Variants in MCMBP observed in about 807,000 individuals in gnomAD.
MCMBP encodes minichromosome maintenance complex binding protein.
MCMBP carries 31 observed loss-of-function variants against 81.3 expected under a neutral mutation model. That is an observed-to-expected ratio of 0.38 (90% CI 0.29 to 0.51). MCMBP has a LOEUF of 0.51. Ranked by LOEUF, MCMBP falls within the 20% of genes least tolerant of loss-of-function variation. The pLI is 0.87. For synonymous variants in MCMBP, 267 were observed against 275.9 expected (o/e 0.97, Z 0.32); for missense variants, 645 against 772.1 (o/e 0.84, Z 1.95).
chr10:119,858,911 T>C lies in MCMBP; in HGVS notation c.300A>G (p.Gly100=). The change falls in exon 4 of 16, where the codon GGA becomes GGG. Residue 100 remains glycine (G), a synonymous_variant. Transcript: ENST00000369077. ...QNTKAHVLHF[G]KYRDVAECGP... is the part of the protein sequence containing the mutation. Reference sequence around the variant, plus strand: ...CACACTCTGCTACATCTCTATATTTTCCAAAATGAAGAACCTATGACCCCA... The same window carrying C: ...CACACTCTGCTACATCTCTATATTTCCCAAAATGAAGAACCTATGACCCCA... The C allele has an allele frequency of 6.2e-7, 1 of 1,611,846 alleles. No homozygotes were observed. The highest frequency in any genetic ancestry group is 8.5e-7 in the Non-Finnish European group (1 of 1,178,562).
chr10:119,870,372 A>C (rs912666208), intron 1 of MCMBP, among the ~76,000 whole-genome samples: 3 of 151,956 alleles, frequency 2.0e-5, no homozygotes, highest in Admixed American at 1.3e-4. Context: ...GCTTCAACCC[A>C]GGAGGCGGAG....
intron 15 of MCMBP, 36 bp downstream of exon 15, chr10:119,831,976 T>G: frequency 6.4e-7 from 1 of 1,570,960 alleles, no homozygotes; most frequent in Non-Finnish European, 8.7e-7. Context: ...ATACACAAGC[T>G]TACCGAAACA....
In MCMBP at chr10:119,858,919, G is replaced by C; in HGVS notation, c.292C>G (p.His98Asp). The change falls in exon 4 of 16, where the codon CAT becomes GAT. Residue 98 changes from histidine (H) to aspartate (D), a missense_variant. Transcript: ENST00000369077. ...GCTACATCTCTATATTTTCCAAAAT[G>C]AAGAACCTATGACCCCAAACATAGA... is the stretch of plus-strand genomic sequence containing the variant. Reference protein sequence around the residue: ...VNQNTKAHVLHFGKYRDVAEC... With the variant: ...VNQNTKAHVLDFGKYRDVAEC... The C allele has an allele frequency of 6.2e-7, 1 of 1,611,984 alleles. No individual in the cohort carries two copies. The highest frequency in any genetic ancestry group is 8.5e-7 in the Non-Finnish European group (1 of 1,178,698).
intron 2 of MCMBP, 75 bp from the exon 3 acceptor site, chr10:119,859,256 A>C: frequency 7.4e-7 from 1 of 1,356,634 alleles, no homozygotes; most frequent in East Asian, 2.3e-5. Flanking sequence ...CACAAACTTT[A>C]TATCCAGACT....
chr10:119,831,226 A>ACTT lies in MCMBP; in HGVS notation c.*245_*247dup, dbSNP rs1315600862. The stretch of plus-strand genomic sequence containing the variant: ...CAATATTAAACTTTTAATATCAAAT[A>ACTT]CTTTTTTTACATCATTACTAATTTA... On this transcript the variant is annotated 3_prime_UTR_variant, in exon 16 of 16. Coordinates refer to ENST00000369077, the MANE Select transcript of MCMBP (RefSeq NM_001256378.2). 4.1e-6 allele frequency: 1 copy of ACTT among 244,400 alleles called. No homozygotes were observed. Among genetic ancestry groups the ACTT allele is most frequent in the African/African-American group, 2.3e-5 (1 of 43,810 alleles). The allele number at this position is 244,400 out of a possible 1,614,324, so 15.1% of individuals were successfully genotyped here.
intron 5 of MCMBP, among the ~76,000 whole-genome samples, chr10:119,855,472 C>T (rs1314898595): frequency 6.6e-6 from 1 of 152,156 alleles, no homozygotes; most frequent in Non-Finnish European, 1.5e-5. Flanking sequence ...GAGTTCAAGA[C>T]CAGCCTGGCC....
intron 13 of MCMBP, 114 bp downstream of exon 13, chr10:119,836,782 T>TAAAAAAAA: frequency 6.0e-6 from 1 of 165,936 alleles, no homozygotes; most frequent in Non-Finnish European, 1.0e-5. Flanking sequence ...TTTTTTTTTT[T>TAAAAAAAA]TTTTTTTTTT....
chr10:119,854,043 T>C (rs1486810473), intron 5 of MCMBP, among the ~76,000 whole-genome samples: 1 of 148,420 alleles, frequency 6.7e-6, no homozygotes, highest in Non-Finnish European at 1.5e-5. Context: ...TTTTTTCCTT[T>C]TCTTTTTTTT....
chr10:119,831,922 T>C lies in MCMBP; in HGVS notation c.1796+90A>G, dbSNP rs914852776. On this transcript the variant is annotated intron_variant, in intron 15 of 15. Coordinates refer to ENST00000369077, the MANE Select transcript of MCMBP (RefSeq NM_001256378.2). Reference sequence around the variant, plus strand: ...TTAAAAGGAAAAGTTCATTTCCGTTTTTAGAATTCTGCCTCAGTTACTGCT... The same window carrying C: ...TTAAAAGGAAAAGTTCATTTCCGTTCTTAGAATTCTGCCTCAGTTACTGCT... The C allele has an allele frequency of 2.7e-5, 35 of 1,302,518 alleles. No individual in the cohort carries two copies. In the African/African-American group the frequency reaches 4.8e-4, roughly 18 times the overall value. The allele number at this position is 1,302,518 out of a possible 1,614,324, so 80.7% of individuals were successfully genotyped here.
At chr10:119,857,707 T>TG in intron 4 of MCMBP, 1 of 256,208 alleles carries the variant, frequency 3.9e-6, no homozygotes. Context: ...CTCTGCTTTG[T>TG]GGATCTAGAA....
chr10:119,840,872 A>G lies in MCMBP; in HGVS notation c.1213T>C (p.Tyr405His). The stretch of plus-strand genomic sequence containing the variant: ...GGAACAAGATGTTGAATAATTCGAT[A>G]CAAGTGTTCTGTGAAGGTACTATTC... ...PRNSTFTEHLYRIIQHLVPAS... is the reference protein window; with the variant it reads ...PRNSTFTEHLHRIIQHLVPAS... The change falls in exon 11 of 16, where the codon TAT becomes CAT. Residue 405 changes from tyrosine to histidine, a missense_variant. By Grantham distance (83) the Tyr-to-His change is moderately conservative. Transcript: ENST00000369077. The G allele has an allele frequency of 6.2e-7, 1 of 1,604,882 alleles. No individual in the cohort carries two copies. The highest frequency in any genetic ancestry group is 1.1e-5 in the South Asian group (1 of 87,748).
intron 12 of MCMBP, 147 bp downstream of exon 12, chr10:119,838,388 T>C (rs1852325361): frequency 2.9e-6 from 2 of 689,954 alleles, no homozygotes; most frequent in Non-Finnish European, 4.5e-6. Flanking sequence ...GTTTATAACA[T>C]ATGCTTTAAT....
At chr10:119,863,216 G>C (rs1853324280) in intron 1 of MCMBP, among the ~76,000 whole-genome samples, 1 of 152,068 alleles carries the variant, frequency 6.6e-6, no homozygotes, top group Admixed American at 6.5e-5. Context: ...CATGTCTTAA[G>C]AACTCATTGC....
chr10:119,872,493 C>CCCGCCCGGCCCG, intron 1 of MCMBP, 34 bp downstream of exon 1: 19 of 962,024 alleles, frequency 2.0e-5, no homozygotes, highest in Non-Finnish European at 2.5e-5. Flanking sequence ...AACTCGGCTG[C>CCCGCCCGGCCCG]CCGCCCGGCC....
Position 119,831,454 on chromosome 10 carries a change from T to C in MCMBP, c.*20A>G. The C allele has an allele frequency of 2.5e-6, 4 of 1,613,074 alleles. No homozygotes were observed. Among genetic ancestry groups the C allele is most frequent in the Non-Finnish European group, 8.5e-7 (1 of 1,179,542 alleles). ...TATGTGGCTACAGTTTGCCCATTAC[T>C]CTTCATAGGTATTACATCTTTAAAG... On this transcript the variant is annotated 3_prime_UTR_variant, in exon 16 of 16. Coordinates refer to ENST00000369077, the MANE Select transcript of MCMBP (RefSeq NM_001256378.2).
chr10:119,864,861 C>G (rs980570550), intron 1 of MCMBP, among the ~76,000 whole-genome samples: 1 of 152,070 alleles, frequency 6.6e-6, no homozygotes, highest in Non-Finnish European at 1.5e-5. Flanking sequence ...TCAAAGCTTT[C>G]CTTTGAGAGT....
chr10:119,843,228 G>T, intron 9 of MCMBP, 26 bp downstream of exon 9: 2 of 1,612,458 alleles, frequency 1.2e-6, no homozygotes, highest in South Asian at 2.2e-5. Context: ...GTCGATAGTT[G>T]ACTAGGCTGT....
In MCMBP at chr10:119,833,695, C is replaced by T. The variant is rs114123153; in HGVS notation, c.1708-1595G>A. 8.5e-3 allele frequency among the ~76,000 whole-genome samples: 1,295 copies of T among 151,970 alleles called. 15 individuals are homozygous for T. The highest frequency in any genetic ancestry group is 0.029 in the African/African-American group (1,209 of 41,464). ...ACCAAATAAAATGTCTGGTTTTCAA[C>T]AAAAAAGTACAAAGAAACCAGAAGG... On this transcript the variant is annotated intron_variant, in intron 14 of 15. Transcript: ENST00000369077.
intron 12 of MCMBP, 133 bp from the exon 13 acceptor site, chr10:119,837,162 T>C (rs1852276401): frequency 1.1e-6 from 1 of 875,778 alleles, no homozygotes; most frequent in African/African-American, 1.7e-5. Context: ...TCCAGTTTAC[T>C]AAGCTAAACG....
Sources: allele counts gnomAD v4.1 joint callset (sites outside exome capture counted in the v4.1 genomes callset), GRCh38; gene constraint gnomAD v4.1.1; transcripts MANE v1.5; gene names NCBI Gene and HGNC (gene_info 2026-07-23, HGNC 2026-07-21).